The following FBXL7 variants were observed in gnomAD, a reference collection of about 807,000 sequenced individuals.
FBXL7 encodes F-box and leucine rich repeat protein 7, also known as F-box/LRR-repeat protein 7.
Under a neutral mutation model 38.3 loss-of-function variants are expected in FBXL7, and 12 were observed. The observed-to-expected ratio is 0.31, with a 90% CI of 0.20 to 0.51. FBXL7 has a LOEUF of 0.51. Ranked by LOEUF, FBXL7 falls within the 20% of genes least tolerant of loss-of-function variation. The pLI, the probability that FBXL7 is intolerant of heterozygous loss-of-function variation, is 0.98. For missense variants in FBXL7, 567 were observed against 676.4 expected (o/e 0.84, Z 1.79); for synonymous variants, 297 against 300.9 (o/e 0.99, Z 0.13).
intron 2 of FBXL7, among the ~76,000 whole-genome samples, chr5:15,912,339 C>G (rs1169359601): frequency 7.6e-6 from 1 of 132,048 alleles, no homozygotes; most frequent in Non-Finnish European, 1.6e-5. Flanking sequence ...ACTCCCTGAC[C>G]CCTTGCGCTT....
intron 2 of FBXL7, among the ~76,000 whole-genome samples, chr5:15,867,331 G>C (rs555401827): frequency 1.6e-4 from 25 of 152,116 alleles, no homozygotes; most frequent in Non-Finnish European, 3.4e-4. Context: ...ACCTTCTCCT[G>C]ACTATCCTTA....
At chr5:15,846,444 G>A (rs1738905270) in intron 2 of FBXL7, among the ~76,000 whole-genome samples, 1 of 152,284 alleles carries the variant, frequency 6.6e-6, no homozygotes, top group East Asian at 1.9e-4. Flanking sequence ...GTTTCTTTGA[G>A]CAAACAGCAA....
At position 15,939,186 on chromosome 5, in the gene FBXL7, TG is replaced by T; in HGVS notation, c.*2001del. ...AATTACATGTGTAATCAAGGCTCTG[TG>T]CCATGGGGGAAATGAATCATTTAGC... On this transcript the variant is annotated 3_prime_UTR_variant, in exon 4 of 4. Coordinates refer to ENST00000504595, the MANE Select transcript of FBXL7 (RefSeq NM_012304.5). 2.5e-6 allele frequency: 1 copy of T among 397,308 alleles called. No individual in the cohort carries two copies. The highest frequency in any genetic ancestry group is 3.6e-5 in the East Asian group (1 of 28,020). 24.6% of individuals were successfully genotyped at this position (397,308 alleles called of 1,614,324 possible). A position where few individuals can be genotyped will look rare whatever the true frequency, so the allele number is the denominator to read the frequency against.
intron 2 of FBXL7, among the ~76,000 whole-genome samples, chr5:15,807,159 C>G (rs1031448302): frequency 1.3e-5 from 2 of 152,152 alleles, no homozygotes; most frequent in Non-Finnish European, 2.9e-5. Context: ...TCAGGCTGGT[C>G]TTGAACTCCA....
At chr5:15,816,269 GTATATA>G (rs79562693) in intron 2 of FBXL7, among the ~76,000 whole-genome samples, 2 of 149,892 alleles carry the variant, frequency 1.3e-5, no homozygotes, top group African/African-American at 4.9e-5. Context: ...ATATATGTGT[GTATATA>G]TATATATATA....
chr5:15,855,247 G>A (rs1294908734), intron 2 of FBXL7, among the ~76,000 whole-genome samples: 1 of 152,058 alleles, frequency 6.6e-6, no homozygotes, highest in African/African-American at 2.4e-5. Flanking sequence ...TTTTGTTAAT[G>A]TGTAAAATAT....
intron 2 of FBXL7, among the ~76,000 whole-genome samples, chr5:15,704,662 A>T (rs759721698): frequency 6.6e-6 from 1 of 152,226 alleles, no homozygotes; most frequent in Non-Finnish European, 1.5e-5. Context: ...GTTAAATACT[A>T]TTGCAAACAA....
At chr5:15,574,418 C>T (rs1480939738) in intron 1 of FBXL7, among the ~76,000 whole-genome samples, 1 of 152,220 alleles carries the variant, frequency 6.6e-6, no homozygotes, top group Non-Finnish European at 1.5e-5. Flanking sequence ...AAATGCAAAT[C>T]CTAGCAGACT....
At chr5:15,649,215 T>G (rs1345234988) in intron 2 of FBXL7, among the ~76,000 whole-genome samples, 1 of 152,146 alleles carries the variant, frequency 6.6e-6, no homozygotes, top group African/African-American at 2.4e-5. Context: ...CAGGCTGGTC[T>G]CGAACTCCTG....
At chr5:15,929,929 T>A (rs866894012) in intron 3 of FBXL7, among the ~76,000 whole-genome samples, 1 of 152,210 alleles carries the variant, frequency 6.6e-6, no homozygotes, top group African/African-American at 2.4e-5. Flanking sequence ...AAACAGAATC[T>A]GGGATTTACA....
intron 2 of FBXL7, among the ~76,000 whole-genome samples, chr5:15,792,261 G>C (rs1042569606): frequency 6.6e-6 from 1 of 152,286 alleles, no homozygotes. Context: ...AGGGGTTTAA[G>C]AGGAAGCAGA....
intron 2 of FBXL7, among the ~76,000 whole-genome samples, chr5:15,709,976 C>T (rs560063240): frequency 2.0e-5 from 3 of 152,304 alleles, no homozygotes; most frequent in South Asian, 4.1e-4. Context: ...CCTATTAAAA[C>T]TATCACACTG....
intron 2 of FBXL7, among the ~76,000 whole-genome samples, chr5:15,877,174 A>C (rs1250318335): frequency 6.6e-6 from 1 of 152,072 alleles, no homozygotes; most frequent in Non-Finnish European, 1.5e-5. Context: ...CATATCTGCA[A>C]CTCTTGACAT....
At chr5:15,816,653 T>A (rs1738023308) in intron 2 of FBXL7, among the ~76,000 whole-genome samples, 1 of 152,170 alleles carries the variant, frequency 6.6e-6, no homozygotes, top group African/African-American at 2.4e-5. Context: ...AATAAAAAAA[T>A]TAACTGGTGG....
chr5:15,834,001 T>C (rs1231045036), intron 2 of FBXL7, among the ~76,000 whole-genome samples: 1 of 152,224 alleles, frequency 6.6e-6, no homozygotes, highest in Non-Finnish European at 1.5e-5. Flanking sequence ...GGTGCTCTTT[T>C]TACCATCTAG....
intron 2 of FBXL7, among the ~76,000 whole-genome samples, chr5:15,883,187 C>T (rs958181386): frequency 3.3e-5 from 5 of 152,178 alleles, no homozygotes; most frequent in African/African-American, 1.2e-4. Context: ...GTTTAACCTA[C>T]ATGTTCAGGG....
At chr5:15,901,021 T>G (rs1428924357) in intron 2 of FBXL7, among the ~76,000 whole-genome samples, 1 of 152,178 alleles carries the variant, frequency 6.6e-6, no homozygotes, top group Non-Finnish European at 1.5e-5. Context: ...GTGGAAAAAT[T>G]AGAAAAATCA....
intron 2 of FBXL7, among the ~76,000 whole-genome samples, chr5:15,916,249 T>A (rs747435855): frequency 6.6e-6 from 1 of 152,112 alleles, no homozygotes; most frequent in Non-Finnish European, 1.5e-5. Flanking sequence ...AGGACCTGAA[T>A]TTTCAGTTTA....
chr5:15,876,092 G>A (rs1447781164), intron 2 of FBXL7, among the ~76,000 whole-genome samples: 1 of 152,192 alleles, frequency 6.6e-6, no homozygotes, highest in African/African-American at 2.4e-5. Context: ...ATGAGTTCAT[G>A]TCCTTTGCAG....
Sources: gnomAD v4.1 joint callset for allele counts (sites outside exome capture counted in the v4.1 genomes callset) on GRCh38, gnomAD v4.1.1 for gene constraint, MANE v1.5 for transcripts, NCBI Gene and HGNC (gene_info 2026-07-23, HGNC 2026-07-21) for gene names.